RALGAPA1: variants seen among roughly 807,000 people sequenced by gnomAD.
RALGAPA1 encodes ral GTPase-activating protein subunit alpha-1.
RALGAPA1 carries 52 observed loss-of-function variants against 269.6 expected under a neutral mutation model. That is an observed-to-expected ratio of 0.19 (90% CI 0.15 to 0.24). The LOEUF (loss-of-function observed/expected upper bound fraction) is 0.24. Among genes scored for constraint, RALGAPA1 ranks in the 10% least tolerant of loss-of-function variants. RALGAPA1 has a pLI of 1.00. For synonymous variants in RALGAPA1, 817 were observed against 1,008.3 expected, an observed-to-expected ratio of 0.81 and a Z score of 3.60; for missense variants, 1,917 against 3,013.9, an observed-to-expected ratio of 0.64 and a Z score of 8.52.
intron 33 of RALGAPA1, among the ~76,000 whole-genome samples, chr14:35,632,703 T>G (rs2061432191): frequency 6.6e-6 from 1 of 152,168 alleles, no homozygotes; most frequent in African/African-American, 2.4e-5. Context: ...CTTTATTCTT[T>G]AGTAAATTTA....
At chr14:35,684,263 T>G (rs775581221) in intron 20 of RALGAPA1, among the ~76,000 whole-genome samples, 1 of 152,190 alleles carries the variant, frequency 6.6e-6, no homozygotes, top group African/African-American at 2.4e-5. Context: ...TTTTAAAAAT[T>G]TGGTGCCCTT....
chr14:35,616,661 C>T lies in RALGAPA1; in HGVS notation c.6929+8700G>A, dbSNP rs114274094. 3.7e-3 allele frequency among the ~76,000 whole-genome samples: 570 copies of T among 152,262 alleles called. 5 individuals are homozygous for T. The highest frequency in any genetic ancestry group is 0.013 in the African/African-American group (542 of 41,550). On this transcript the variant is annotated intron_variant, in intron 35 of 41. Coordinates refer to ENST00000680220, the MANE Select transcript of RALGAPA1 (RefSeq NM_001346249.2). ...GAATATATGGAAACTCTGTACTTTC[C>T]TATCAGTTCTTTTGTAAATCGAAAA...
Position 35,689,276 on chromosome 14 carries a change from C to T in RALGAPA1, c.3135G>A (p.Gln1045=). The change falls in exon 18 of 42, where the codon CAG becomes CAA. Residue 1045 remains glutamine (Q), a synonymous_variant. Coordinates refer to ENST00000680220, the MANE Select transcript of RALGAPA1 (RefSeq NM_001346249.2). ...EKSKQLNTDK[Q]PSEPSLDSPC... ...GGCTATCTAAACTAGGCTCTGATGG[C>T]TGTTTATCAGTGTTTAGTTGCTTAG... The T allele has an allele frequency of 8.1e-7, 1 of 1,232,130 alleles. No homozygotes were observed. The allele number at this position is 1,232,130 out of a possible 1,614,324, so 76.3% of individuals were successfully genotyped here. A position where few individuals can be genotyped will look rare whatever the true frequency, so the allele number is the denominator to read the frequency against.
At chr14:35,640,689 A>G (rs943150742) in intron 31 of RALGAPA1, among the ~76,000 whole-genome samples, 5 of 152,210 alleles carry the variant, frequency 3.3e-5, no homozygotes, top group Non-Finnish European at 5.9e-5. Context: ...TCCTTCTGAA[A>G]CTATTCTGAA....
chr14:35,637,245 C>T lies in RALGAPA1; in HGVS notation c.5677-1647G>A, dbSNP rs188081949. On this transcript the variant is annotated intron_variant, in intron 31 of 41. Coordinates refer to ENST00000680220, the MANE Select transcript of RALGAPA1 (RefSeq NM_001346249.2). ...ATTAAATAAGGCACCAATGACCAAT[C>T]CCAGAGAGACAGAGATGTCACCTGA... 2.4e-3 allele frequency among the ~76,000 whole-genome samples: 371 copies of T among 152,244 alleles called. 2 individuals are homozygous for T. The highest frequency in any genetic ancestry group is 8.5e-3 in the African/African-American group (354 of 41,534).
At chr14:35,776,469 G>A (rs1223004085) in intron 1 of RALGAPA1, among the ~76,000 whole-genome samples, 1 of 151,914 alleles carries the variant, frequency 6.6e-6, no homozygotes. Flanking sequence ...TTGTAAATAG[G>A]TACTTAGGGA....
chr14:35,550,418 A>T (rs1372263620), intron 39 of RALGAPA1, among the ~76,000 whole-genome samples: 7 of 152,266 alleles, frequency 4.6e-5, no homozygotes, highest in Admixed American at 2.0e-4. Flanking sequence ...GTCCACTTTA[A>T]TATTTTCCCT....
At chr14:35,544,122 A>T (rs940240904) in intron 41 of RALGAPA1, among the ~76,000 whole-genome samples, 5 of 152,224 alleles carry the variant, frequency 3.3e-5, no homozygotes, top group Non-Finnish European at 7.3e-5. Context: ...ATTTATATGG[A>T]TAACAACTGG....
chr14:35,600,218 CTTTTTCTTT>C (rs2059197605), intron 36 of RALGAPA1, among the ~76,000 whole-genome samples: 1 of 103,864 alleles, frequency 9.6e-6, no homozygotes, highest in Non-Finnish European at 1.9e-5. Flanking sequence ...CCTTTTTTTT[CTTTTTCTTT>C]TTTTCTTTTT....
intron 35 of RALGAPA1, among the ~76,000 whole-genome samples, chr14:35,610,622 A>G (rs1160092356): frequency 6.6e-6 from 1 of 152,146 alleles, no homozygotes; most frequent in Non-Finnish European, 1.5e-5. Flanking sequence ...AAAGAAACAG[A>G]ATACCCGAAT....
At chr14:35,543,648 ATTTC>A (rs1194243023) in intron 41 of RALGAPA1, among the ~76,000 whole-genome samples, 6 of 152,080 alleles carry the variant, frequency 3.9e-5, no homozygotes, top group Non-Finnish European at 8.8e-5. Context: ...TTTTATTTTT[ATTTC>A]TTTATTTTGA....
At chr14:35,621,726 A>G (rs1007996024) in intron 35 of RALGAPA1, among the ~76,000 whole-genome samples, 4 of 152,264 alleles carry the variant, frequency 2.6e-5, no homozygotes, top group African/African-American at 9.6e-5. Context: ...CACTTCTCAA[A>G]AGAAGACATC....
At chr14:35,583,986 ATG>A (rs2058113023) in intron 37 of RALGAPA1, among the ~76,000 whole-genome samples, 1 of 152,188 alleles carries the variant, frequency 6.6e-6, no homozygotes, top group Admixed American at 6.5e-5. Flanking sequence ...AGAAAAACAT[ATG>A]TGTCATAAAC....
intron 31 of RALGAPA1, among the ~76,000 whole-genome samples, chr14:35,639,837 G>T (rs992717876): frequency 8.6e-5 from 13 of 151,994 alleles, no homozygotes; most frequent in Admixed American, 8.5e-4. Context: ...TACTCGGGAG[G>T]CTGAGGCAGG....
intron 1 of RALGAPA1, among the ~76,000 whole-genome samples, chr14:35,792,690 T>TG (rs1163377904): frequency 2.7e-5 from 4 of 146,610 alleles, no homozygotes; most frequent in African/African-American, 1.0e-4. Flanking sequence ...GGCTGAGACA[T>TG]AAGAATTGCT....
intron 37 of RALGAPA1, among the ~76,000 whole-genome samples, chr14:35,581,035 T>A (rs570764230): frequency 1.3e-5 from 2 of 152,274 alleles, no homozygotes; most frequent in East Asian, 3.9e-4. Context: ...TCATTTATAA[T>A]AGGACACATG....
rs1248309817 is a variant in RALGAPA1, at chr14:35,539,541, C to G, written c.*173G>C. On this transcript the variant is annotated 3_prime_UTR_variant, in exon 42 of 42. Transcript: ENST00000680220. ...TGATCACTGCTGGGCTGCTTGTCTC[C>G]TTAGGATTTATTGGCTGAGCCAGAG... The G allele has an allele frequency of 6.2e-7, 1 of 1,611,874 alleles. No homozygotes were observed. The highest frequency in any genetic ancestry group is 2.2e-5 in the East Asian group (1 of 44,892).
In RALGAPA1 at chr14:35,748,746, C is replaced by T. The variant is rs2072384324; in HGVS notation, c.1090G>A (p.Glu364Lys). ...ADKTDRTTEPEQSHSNTSTLT... is the reference protein window; with the variant it reads ...ADKTDRTTEPKQSHSNTSTLT... Reference sequence around the variant, plus strand: ...GTGCTTGTATTGGAATGAGACTGTTCGGGTTCTGTAGTTCTGTCTGTTTTA... The same window carrying T: ...GTGCTTGTATTGGAATGAGACTGTTTGGGTTCTGTAGTTCTGTCTGTTTTA... The change falls in exon 10 of 42, where the codon GAA becomes AAA. Residue 364 changes from glutamate to lysine, a missense_variant. This residue lies in a region of RALGAPA1 where 462 missense variants were observed against 725.6 expected (regional missense o/e 0.64). Coordinates refer to ENST00000680220, the MANE Select transcript of RALGAPA1 (RefSeq NM_001346249.2). 13 of 1,611,410 alleles carry T rather than the reference C, an allele frequency of 8.1e-6. No homozygotes were observed. Among genetic ancestry groups the T allele is most frequent in the Non-Finnish European group, 1.0e-5 (12 of 1,179,532 alleles).
intron 4 of RALGAPA1, among the ~76,000 whole-genome samples, chr14:35,769,560 A>C (rs1322346902): frequency 6.6e-6 from 1 of 152,200 alleles, no homozygotes; most frequent in Non-Finnish European, 1.5e-5. Context: ...ACAAACCTGC[A>C]TATGCATCCC....
Sources: gnomAD v4.1 joint callset for allele counts (sites outside exome capture counted in the v4.1 genomes callset) on GRCh38, gnomAD v4.1.1 for gene constraint, gnomAD v4.1.1 regional missense constraint, MANE v1.5 for transcripts, NCBI Gene and HGNC (gene_info 2026-07-23, HGNC 2026-07-21) for gene names.